Variants in KIF21A observed in about 807,000 individuals in gnomAD.
KIF21A encodes kinesin-like protein KIF21A.
In KIF21A, 114 loss-of-function variants were observed where a neutral mutation model predicts 202.9. The observed-to-expected ratio is 0.56, with a 90% confidence interval of 0.48 to 0.66. KIF21A has a LOEUF of 0.66. Among genes scored for constraint, KIF21A ranks in the 30% least tolerant of loss-of-function variants. KIF21A has a pLI of 0.00. For synonymous variants in KIF21A, 667 were observed against 670.8 expected, an observed-to-expected ratio of 0.99 and a Z score of 0.09; for missense variants, 1,677 against 1,994.9, an observed-to-expected ratio of 0.84 and a Z score of 3.04.
At chr12:39,298,366 G>C (rs1942618560) in intron 37 of KIF21A, among the ~76,000 whole-genome samples, 1 of 152,196 alleles carries the variant, frequency 6.6e-6, no homozygotes, top group Admixed American at 6.5e-5. Flanking sequence ...AGTTGTACAT[G>C]AGTAGAGTGC....
intron 1 of KIF21A, among the ~76,000 whole-genome samples, chr12:39,399,034 G>A (rs1951969714): frequency 6.6e-6 from 1 of 152,004 alleles, no homozygotes; most frequent in African/African-American, 2.4e-5. Context: ...GACCAGCCTA[G>A]GCAACACAGA....
At chr12:39,363,007 G>A (rs1489706008) in intron 7 of KIF21A, 91 bp downstream of exon 7, 2 of 833,080 alleles carry the variant, frequency 2.4e-6, no homozygotes, top group Admixed American at 1.8e-5. Flanking sequence ...AGTTTGCTTT[G>A]CAATAAAAGT....
At chr12:39,374,299 C>T (rs1950135034) in intron 1 of KIF21A, among the ~76,000 whole-genome samples, 1 of 152,050 alleles carries the variant, frequency 6.6e-6, no homozygotes, top group African/African-American at 2.4e-5. Context: ...ACATTTACAA[C>T]TTTGGATATT....
chr12:39,323,976 G>T (rs2137821297), intron 26 of KIF21A, among the ~76,000 whole-genome samples: 1 of 152,180 alleles, frequency 6.6e-6, no homozygotes, highest in Middle Eastern at 3.4e-3. Context: ...TGGGCATGGT[G>T]GCGGGCGCCT....
chr12:39,363,621 C>T (rs935259637), intron 6 of KIF21A, among the ~76,000 whole-genome samples: 8 of 152,182 alleles, frequency 5.3e-5, no homozygotes, highest in African/African-American at 1.7e-4. Flanking sequence ...TTTTGCAATA[C>T]AGTTCCCACG....
In KIF21A at chr12:39,311,480, C is replaced by T; in HGVS notation, c.4033G>A (p.Gly1345Arg). Residue 1345 changes from glycine to arginine, a missense_variant, in exon 32 of 38, where the codon GGG becomes AGG. Physicochemically the swap from Gly to Arg is moderately radical, Grantham distance 125. This residue lies in a region of KIF21A where 705 missense variants were observed against 791.9 expected (regional missense o/e 0.89). Transcript: ENST00000361418. ...ACACAGAGCACAGCTTTTGTATGCC[C>T]TTCAGCTATGTGAATACACTGAAGT... is the stretch of plus-strand genomic sequence containing the variant. ...FPLQCIHIAEGHTKAVLCVDS... is the reference protein window; with the variant it reads ...FPLQCIHIAERHTKAVLCVDS... The T allele has an allele frequency of 1.2e-6, 2 of 1,613,146 alleles. No homozygotes were observed. The highest frequency in any genetic ancestry group is 1.7e-6 in the Non-Finnish European group (2 of 1,179,292).
At chr12:39,344,296 A>C (rs920700692) in intron 12 of KIF21A, among the ~76,000 whole-genome samples, 1 of 152,196 alleles carries the variant, frequency 6.6e-6, no homozygotes. Context: ...TCATCAATTA[A>C]AAGGCCAGCA....
intron 1 of KIF21A, among the ~76,000 whole-genome samples, chr12:39,386,055 T>C (rs548318317): frequency 1.3e-5 from 2 of 152,300 alleles, no homozygotes; most frequent in South Asian, 4.1e-4. Context: ...CCAATATGTA[T>C]CCTATGTTTT....
At chr12:39,332,008 T>C in intron 21 of KIF21A, 1 of 660,928 alleles carries the variant, frequency 1.5e-6, no homozygotes, top group South Asian at 1.8e-5. Flanking sequence ...AGATGACCCA[T>C]GTGTTATATA....
chr12:39,328,488 A>G (rs78731448), intron 24 of KIF21A, among the ~76,000 whole-genome samples: 7,196 of 152,298 alleles, frequency 0.047, 231 homozygotes, highest in Non-Finnish European at 0.075. Flanking sequence ...CTTAGTCATG[A>G]ATACAACCAT....
Position 39,330,888 on chromosome 12 carries a change from C to T in KIF21A, c.3177G>A (p.Glu1059=), listed in dbSNP as rs761520066. Residue 1059 remains glutamate, a synonymous_variant, in exon 23 of 38, where the codon GAG becomes GAA. Transcript: ENST00000361418. Reference sequence around the variant, plus strand: ...GACCTTCCAGTACTTTAATTTGAGCCTCTTTCTGGGCAGCCTGAAGACCCT... The same window carrying T: ...GACCTTCCAGTACTTTAATTTGAGCTTCTTTCTGGGCAGCCTGAAGACCCT... The part of the protein sequence containing the change: ...INKGLQAAQK[E]AQIKVLEGRL... 1.9e-5 allele frequency: 31 copies of T among 1,613,800 alleles called. No homozygotes were observed. Among genetic ancestry groups the T allele is most frequent in the East Asian group, 6.7e-5 (3 of 44,868 alleles).
At chr12:39,350,233 T>C (rs372031202) in intron 11 of KIF21A, among the ~76,000 whole-genome samples, 43 of 151,950 alleles carry the variant, frequency 2.8e-4, no homozygotes, top group African/African-American at 9.9e-4. Context: ...AACTACATAA[T>C]CACTGAATTA....
At chr12:39,439,037 G>A (rs1345260197) in intron 1 of KIF21A, among the ~76,000 whole-genome samples, 1 of 152,088 alleles carries the variant, frequency 6.6e-6, no homozygotes, top group Non-Finnish European at 1.5e-5. Context: ...ACAGCTACCT[G>A]ATTATTGAGT....
intron 1 of KIF21A, among the ~76,000 whole-genome samples, chr12:39,396,465 T>C (rs1951766934): frequency 6.6e-6 from 1 of 152,236 alleles, no homozygotes; most frequent in Admixed American, 6.5e-5. Flanking sequence ...CAACAATTGA[T>C]CTTACTAAAC....
chr12:39,305,561 A>G (rs1943392288), intron 34 of KIF21A, among the ~76,000 whole-genome samples: 1 of 152,076 alleles, frequency 6.6e-6, no homozygotes, highest in Non-Finnish European at 1.5e-5. Flanking sequence ...TTTTAGCTCC[A>G]CATCTACGAA....
Position 39,307,546 on chromosome 12 carries a change from T to C in KIF21A, c.4442+19A>G, listed in dbSNP as rs1943594852. The C allele has an allele frequency of 6.2e-7, 1 of 1,612,074 alleles. No individual in the cohort carries two copies. Among genetic ancestry groups the C allele is most frequent in the Middle Eastern group, 1.7e-4 (1 of 6,052 alleles). On this transcript the variant is annotated intron_variant, in intron 34 of 37. Transcript: ENST00000361418. ...GTATTTGCCATAGGCAAGAGGTATG[T>C]TTTCTTAAAAATATCTACCTTTTAA...
At chr12:39,355,495 T>A (rs1948699183) in intron 10 of KIF21A, among the ~76,000 whole-genome samples, 1 of 151,354 alleles carries the variant, frequency 6.6e-6, no homozygotes, top group Non-Finnish European at 1.5e-5. Context: ...ACTTCAAGAA[T>A]TAAAAAAACA....
In KIF21A at chr12:39,363,659, CA is replaced by C. The variant is rs962215568; in HGVS notation, c.904-447del. 7.9e-5 allele frequency among the ~76,000 whole-genome samples: 12 copies of C among 152,038 alleles called. No homozygotes were observed. In the Middle Eastern group the frequency reaches 0.017, roughly 215 times the overall value. The stretch of plus-strand genomic sequence containing the variant: ...AAAAGAAAACCTTCTTTAATCACAA[CA>C]AAAAAAATCAGTATTATTTCTCTGA... On this transcript the variant is annotated intron_variant, in intron 6 of 37. Coordinates refer to ENST00000361418, the MANE Select transcript of KIF21A (RefSeq NM_001173464.2).
intron 7 of KIF21A, among the ~76,000 whole-genome samples, chr12:39,359,794 C>G (rs1475787887): frequency 6.6e-6 from 1 of 152,164 alleles, no homozygotes; most frequent in Non-Finnish European, 1.5e-5. Context: ...TACATACATC[C>G]ATTTCTTACT....
Sources: gnomAD v4.1 joint callset for allele counts (sites outside exome capture counted in the v4.1 genomes callset) on GRCh38, gnomAD v4.1.1 for gene constraint, gnomAD v4.1.1 regional missense constraint, MANE v1.5 for transcripts, NCBI Gene and HGNC (gene_info 2026-07-23, HGNC 2026-07-21) for gene names.